The following ZBED6 variants were observed in gnomAD, a reference collection of about 807,000 sequenced individuals.
The protein encoded by ZBED6 is zinc finger BED-type containing 6.
Under a neutral mutation model 58.4 loss-of-function variants are expected in ZBED6, and 40 were observed. The ratio of observed to expected loss-of-function variants is 0.68; its 90% CI spans 0.53 to 0.89. The LOEUF (loss-of-function observed/expected upper bound fraction) is 0.89. ZBED6 is among the 40% of genes least tolerant of loss of function. The pLI is 0.00. For missense variants in ZBED6, 1,057 were observed against 1,003.9 expected (o/e 1.05, Z -0.71); for synonymous variants, 439 against 350.6 (o/e 1.25, Z -2.82).
intron 7 of ZBED6, 83 bp from the exon 8 acceptor site, chr1:203,831,578 C>CTTTTTT: frequency 3.5e-6 from 4 of 1,148,432 alleles, no homozygotes; most frequent in Non-Finnish European, 5.1e-6. Flanking sequence ...TTGGACTTAA[C>CTTTTTT]TGGTTACAAA....
chr1:203,808,415 T>C (rs530002934), intron 1 of ZBED6, among the ~76,000 whole-genome samples: 1 of 152,342 alleles, frequency 6.6e-6, no homozygotes, highest in Admixed American at 6.5e-5. Context: ...TGTCTGTGTA[T>C]AGCAGAGATG....
chr1:203,798,918 G>A (rs1669604460), exon 1 of ZBED6: 3 of 1,535,912 alleles, frequency 2.0e-6, no homozygotes, highest in Non-Finnish European at 2.6e-6. Context: ...TTGTGTCAGA[G>A]AAAAAATTTT....
rs138669634 is a variant in ZBED6, at chr1:203,817,839, G to A, written c.*2753+715G>A. Among the ~76,000 whole-genome samples the A allele has an allele frequency of 2.8e-3, 432 of 151,736 alleles. 2 individuals are homozygous for A. Among genetic ancestry groups the A allele is most frequent in the African/African-American group, 9.7e-3 (402 of 41,392 alleles). Reference sequence around the variant, plus strand: ...ATGGTCTTGGCTTACTGTAACCTCCGCCTCCCAGGTTCAAGCCATTCTCCT... The same window carrying A: ...ATGGTCTTGGCTTACTGTAACCTCCACCTCCCAGGTTCAAGCCATTCTCCT... On this transcript the variant is annotated intron_variant, in intron 2 of 16. Coordinates refer to ENST00000550078, the Ensembl canonical transcript of ZBED6.
intron 3 of ZBED6, among the ~76,000 whole-genome samples, chr1:203,819,452 C>T (rs1194395901): frequency 6.7e-6 from 1 of 149,992 alleles, no homozygotes; most frequent in African/African-American, 2.5e-5. Context: ...GAACTCCTGA[C>T]TTCAGGTGAT....
At chr1:203,834,975 T>G (rs1051551338) in intron 9 of ZBED6, among the ~76,000 whole-genome samples, 2 of 152,360 alleles carry the variant, frequency 1.3e-5, no homozygotes, top group Admixed American at 1.3e-4. Flanking sequence ...TTTTTCTGAC[T>G]TCAGAATTTT....
chr1:203,798,000 A>G, exon 1 of ZBED6: 1 of 1,534,430 alleles, frequency 6.5e-7, no homozygotes, highest in Non-Finnish European at 8.7e-7. Flanking sequence ...AAGCGTCAGC[A>G]GGGGTAAACC....
intron 2 of ZBED6, among the ~76,000 whole-genome samples, chr1:203,817,948 C>T (rs1039203472): frequency 5.3e-5 from 8 of 152,046 alleles, no homozygotes; most frequent in Admixed American, 4.6e-4. Context: ...CAGGGTTTCA[C>T]GTGTTGGCCA....
intron 3 of ZBED6, among the ~76,000 whole-genome samples, chr1:203,825,766 G>A (rs928867636): frequency 3.9e-5 from 6 of 152,028 alleles, no homozygotes; most frequent in African/African-American, 1.4e-4. Flanking sequence ...GAATTACATG[G>A]AATACCTTTC....
At chr1:203,834,582 T>A (rs1683608315) in intron 9 of ZBED6, among the ~76,000 whole-genome samples, 1 of 152,154 alleles carries the variant, frequency 6.6e-6, no homozygotes, top group Admixed American at 6.5e-5. Context: ...GCTATTTTAT[T>A]TTTGGGGGAG....
intron 15 of ZBED6, 112 bp from the exon 16 acceptor site, chr1:203,850,945 C>A: frequency 7.6e-7 from 1 of 1,318,898 alleles, no homozygotes; most frequent in Non-Finnish European, 1.1e-6. Flanking sequence ...TTCTTAGATT[C>A]ACAGGCTTAA....
At chr1:203,800,553 A>G (rs982797654) in exon 1 of ZBED6, 95 of 1,224,110 alleles carry the variant, frequency 7.8e-5, no homozygotes, top group Non-Finnish European at 1.0e-4. Flanking sequence ...TATCTTTATA[A>G]ACACATCTGG....
chr1:203,838,824 G>A (rs761461071), intron 10 of ZBED6, among the ~76,000 whole-genome samples: 3 of 151,986 alleles, frequency 2.0e-5, no homozygotes, highest in African/African-American at 4.8e-5. Context: ...AGGGTGGCAC[G>A]CACCTATAAT....
chr1:203,817,043 C>A (rs757950120), exon 2 of ZBED6: 9 of 1,583,816 alleles, frequency 5.7e-6, no homozygotes, highest in Middle Eastern at 2.0e-4. Context: ...TTTCAAGAAG[C>A]CACTTCTGAT....
chr1:203,848,691 T>C (rs59262452), intron 13 of ZBED6, among the ~76,000 whole-genome samples: 2 of 152,142 alleles, frequency 1.3e-5, no homozygotes, highest in African/African-American at 4.8e-5. Context: ...ATTGAGACCG[T>C]CCTGGCTAAC....
exon 1 of ZBED6, chr1:203,798,456 G>A (rs1424536158): frequency 7.2e-6 from 11 of 1,535,964 alleles, no homozygotes; most frequent in Non-Finnish European, 8.7e-6. Context: ...ACACCTGCAA[G>A]CCACACATCC....
At chr1:203,806,689 T>C (rs564842857) in intron 1 of ZBED6, among the ~76,000 whole-genome samples, 11 of 152,332 alleles carry the variant, frequency 7.2e-5, no homozygotes, top group African/African-American at 2.6e-4. Context: ...TGTCCTTTTT[T>C]CGCTTATCTT....
At chr1:203,826,017 T>C (rs1680404684) in intron 3 of ZBED6, among the ~76,000 whole-genome samples, 1 of 152,202 alleles carries the variant, frequency 6.6e-6, no homozygotes, top group African/African-American at 2.4e-5. Flanking sequence ...ATTCAGTAAT[T>C]TGAAAATTGC....
intron 4 of ZBED6, 23 bp from the exon 5 acceptor site, chr1:203,829,428 T>C: frequency 6.2e-7 from 1 of 1,613,646 alleles, no homozygotes; most frequent in Non-Finnish European, 8.5e-7. Context: ...GTTTTTAATT[T>C]ATGACTGATT....
chr1:203,814,263 C>T (rs1675490668), intron 1 of ZBED6, among the ~76,000 whole-genome samples: 1 of 152,188 alleles, frequency 6.6e-6, no homozygotes, highest in African/African-American at 2.4e-5. Context: ...CTGGCTCACA[C>T]CTGTAATCCC....
Sources: gnomAD v4.1 joint callset for allele counts (sites outside exome capture counted in the v4.1 genomes callset) on GRCh38, gnomAD v4.1.1 for gene constraint, MANE v1.5 for transcripts, NCBI Gene and HGNC (gene_info 2026-07-23, HGNC 2026-07-21) for gene names.